TPD52: variants seen among roughly 807,000 people sequenced by gnomAD.
TPD52 encodes the protein tumor protein D52.
A neutral mutation model predicts 31.3 loss-of-function variants in TPD52; 17 were observed. The ratio of observed to expected loss-of-function variants is 0.54; its 90% CI spans 0.37 to 0.82. The LOEUF is 0.82. Ranked by LOEUF, TPD52 falls within the 40% of genes least tolerant of loss-of-function variation. The pLI, the probability that TPD52 is intolerant of heterozygous loss-of-function variation, is 0.00. For synonymous variants in TPD52, 83 were observed against 89.6 expected, an observed-to-expected ratio of 0.93 and a Z score of 0.42; for missense variants, 212 against 240.1, an observed-to-expected ratio of 0.88 and a Z score of 0.77.
chr8:80,101,583 C>G (rs551929352), intron 1 of TPD52, among the ~76,000 whole-genome samples: 1 of 151,928 alleles, frequency 6.6e-6, no homozygotes, highest in South Asian at 2.1e-4. Flanking sequence ...GTTCTGCAGG[C>G]TGTACAGAAG....
chr8:80,171,374 CCAAGCCCG>C, intron 1 of TPD52, 43 bp downstream of exon 1: 1 of 588,508 alleles, frequency 1.7e-6, no homozygotes, highest in Non-Finnish European at 2.1e-6. Flanking sequence ...AAGCCCGAGT[CCAAGCCCG>C]AGTCCAAGCC....
chr8:80,037,941 A>T lies in TPD52; in HGVS notation c.*175T>A. 1.3e-6 allele frequency: 1 copy of T among 782,328 alleles called. No individual in the cohort carries two copies. Among genetic ancestry groups the T allele is most frequent in the East Asian group, 2.7e-5 (1 of 37,434 alleles). 48.5% of individuals were successfully genotyped at this position (782,328 alleles called of 1,614,324 possible). On this transcript the variant is annotated 3_prime_UTR_variant, in exon 8 of 8. Transcript: ENST00000518937. ...TGTACACTAAAGGGTGTTTCCCAAGAATAGAGGTGAAGATATTTTCATTTT... is the reference window on the plus strand; with the variant it reads ...TGTACACTAAAGGGTGTTTCCCAAGTATAGAGGTGAAGATATTTTCATTTT...
intron 2 of TPD52, among the ~76,000 whole-genome samples, chr8:80,059,892 C>G (rs937969475): frequency 2.0e-5 from 3 of 151,692 alleles, no homozygotes; most frequent in Non-Finnish European, 4.4e-5. Flanking sequence ...ACCAGCCTGG[C>G]CAACATGGTG....
At chr8:80,038,368 T>G in intron 7 of TPD52, 133 bp from the exon 8 acceptor site, 1 of 895,968 alleles carries the variant, frequency 1.1e-6, no homozygotes, top group African/African-American at 1.7e-5. Context: ...ATTATATATG[T>G]ATGGAATTTA....
intron 1 of TPD52, among the ~76,000 whole-genome samples, chr8:80,115,122 T>C (rs1370086253): frequency 6.6e-6 from 1 of 152,212 alleles, no homozygotes; most frequent in East Asian, 1.9e-4. Context: ...TGCACCTTTT[T>C]AAGCTTTTTG....
intron 1 of TPD52, among the ~76,000 whole-genome samples, chr8:80,081,979 T>C (rs1477771951): frequency 6.6e-6 from 1 of 152,178 alleles, no homozygotes; most frequent in African/African-American, 2.4e-5. Context: ...GGCTAATTTT[T>C]GTATTTTTAG....
chr8:80,152,508 C>T (rs767314610), intron 1 of TPD52, among the ~76,000 whole-genome samples: 2 of 152,102 alleles, frequency 1.3e-5, no homozygotes, highest in Non-Finnish European at 2.9e-5. Context: ...CAGCCGGGAG[C>T]GGTGGCTCAT....
At chr8:80,146,631 C>G (rs144962613) in intron 1 of TPD52, among the ~76,000 whole-genome samples, 2 of 152,192 alleles carry the variant, frequency 1.3e-5, no homozygotes, top group African/African-American at 4.8e-5. Context: ...AACATAGCTG[C>G]ATAAAGGAGG....
intron 1 of TPD52, among the ~76,000 whole-genome samples, chr8:80,169,611 A>G (rs1811944568): frequency 6.6e-6 from 1 of 152,196 alleles, no homozygotes; most frequent in South Asian, 2.1e-4. Flanking sequence ...ACAGCCGTTT[A>G]ATTTACTTTG....
At chr8:80,148,186 T>C (rs1810331551) in intron 1 of TPD52, among the ~76,000 whole-genome samples, 1 of 152,022 alleles carries the variant, frequency 6.6e-6, no homozygotes, top group Admixed American at 6.6e-5. Context: ...AAGGTCTCAT[T>C]TTGTCACCCC....
At chr8:80,144,622 G>C (rs1454371290) in intron 1 of TPD52, among the ~76,000 whole-genome samples, 1 of 152,152 alleles carries the variant, frequency 6.6e-6, no homozygotes, top group Non-Finnish European at 1.5e-5. Flanking sequence ...TCCCAGGGAA[G>C]TTCATGGGAG....
chr8:80,042,818 A>T, intron 6 of TPD52, 150 bp from the exon 7 acceptor site: 1 of 588,336 alleles, frequency 1.7e-6, no homozygotes, highest in Non-Finnish European at 2.8e-6. Context: ...GGTACATACA[A>T]GTATTTATAA....
chr8:80,154,708 C>CAT, intron 1 of TPD52, among the ~76,000 whole-genome samples: 1 of 6,634 alleles, frequency 1.5e-4, no homozygotes, highest in Non-Finnish European at 4.7e-4. Flanking sequence ...TCATGACATA[C>CAT]ACACACACAC....
chr8:80,050,674 T>C (rs1208703369), intron 4 of TPD52, among the ~76,000 whole-genome samples: 1 of 152,214 alleles, frequency 6.6e-6, no homozygotes, highest in African/African-American at 2.4e-5. Flanking sequence ...TATTACATTA[T>C]GCTTAGACAA....
intron 1 of TPD52, among the ~76,000 whole-genome samples, chr8:80,148,072 C>T (rs1810323865): frequency 6.6e-6 from 1 of 152,082 alleles, no homozygotes; most frequent in South Asian, 2.1e-4. Context: ...TTATTAATCT[C>T]CCTACTATTG....
At chr8:80,076,155 G>C (rs10093635) in intron 1 of TPD52, among the ~76,000 whole-genome samples, 1 of 152,144 alleles carries the variant, frequency 6.6e-6, no homozygotes, top group African/African-American at 2.4e-5. Flanking sequence ...CCATTACTGG[G>C]TATACACCCA....
At chr8:80,154,253 T>C (rs1320806810) in intron 1 of TPD52, among the ~76,000 whole-genome samples, 1 of 152,230 alleles carries the variant, frequency 6.6e-6, no homozygotes, top group East Asian at 1.9e-4. Context: ...ACGGGCCCTG[T>C]TGTCCCCCAT....
chr8:80,086,170 T>G (rs1251380159), intron 1 of TPD52, among the ~76,000 whole-genome samples: 1 of 136,346 alleles, frequency 7.3e-6, no homozygotes. Flanking sequence ...CAGGCTGGAG[T>G]GCAGTGTCGT....
intron 1 of TPD52, among the ~76,000 whole-genome samples, chr8:80,150,701 C>A (rs112677403): frequency 6.6e-6 from 1 of 152,318 alleles, no homozygotes; most frequent in East Asian, 1.9e-4. Context: ...TGCATGGAGC[C>A]TGTAGCCCCT....
Sources: gnomAD v4.1 joint callset for allele counts (sites outside exome capture counted in the v4.1 genomes callset) on GRCh38, gnomAD v4.1.1 for gene constraint, MANE v1.5 for transcripts, NCBI Gene and HGNC (gene_info 2026-07-23, HGNC 2026-07-21) for gene names.